ARGLU1: variants seen among roughly 807,000 people sequenced by gnomAD.
ARGLU1 encodes arginine and glutamate rich 1, also known as arginine and glutamate-rich protein 1.
Under a neutral mutation model 37.6 loss-of-function variants are expected in ARGLU1, and 9 were observed. That is an observed-to-expected ratio of 0.24 (90% confidence interval 0.14 to 0.42). ARGLU1 has a LOEUF of 0.42. Among genes scored for constraint, ARGLU1 ranks in the 10% least tolerant of loss-of-function variants. ARGLU1 has a pLI of 1.00. For missense variants in ARGLU1, 211 were observed against 359.2 expected, an observed-to-expected ratio of 0.59 and a Z score of 3.34; for synonymous variants, 166 against 138.5, an observed-to-expected ratio of 1.20 and a Z score of -1.39.
At chr13:106,551,607 C>A (rs978330077) in intron 3 of ARGLU1, among the ~76,000 whole-genome samples, 1 of 152,172 alleles carries the variant, frequency 6.6e-6, no homozygotes, top group Non-Finnish European at 1.5e-5. Context: ...AACTAAACAG[C>A]TCAAAATAAA....
In ARGLU1 at chr13:106,542,406, AGAGT is replaced by A. The variant is rs1439718941; in HGVS notation, c.*1586_*1589del. The A allele has an allele frequency of 1.3e-5, 2 of 152,082 alleles. No individual in the cohort carries two copies. Among genetic ancestry groups the A allele is most frequent in the Non-Finnish European group, 1.5e-5 (1 of 67,960 alleles). 9.4% of individuals were successfully genotyped at this position (152,082 alleles called of 1,614,324 possible). A position where few individuals can be genotyped will look rare whatever the true frequency, so the allele number is the denominator to read the frequency against. On this transcript the variant is annotated 3_prime_UTR_variant, in exon 4 of 4. Coordinates refer to ENST00000400198, the MANE Select transcript of ARGLU1 (RefSeq NM_018011.4). ...TTAGGAAAATAAAATGTTTGATTTT[AGAGT>A]AAGTAGTATGTTTACTAAAAGTTCT...
chr13:106,554,476 A>G (rs1411511292), intron 3 of ARGLU1, among the ~76,000 whole-genome samples: 2 of 152,218 alleles, frequency 1.3e-5, no homozygotes, highest in African/African-American at 2.4e-5. Context: ...AAAGGCAATA[A>G]AAGTGGAAGT....
intron 3 of ARGLU1, among the ~76,000 whole-genome samples, chr13:106,550,292 G>A (rs1880502341): frequency 6.6e-6 from 1 of 152,112 alleles, no homozygotes; most frequent in South Asian, 2.1e-4. Flanking sequence ...GTGGCTTCGT[G>A]TTTCCAATTT....
In ARGLU1 at chr13:106,543,870, G is replaced by A. The variant is rs2138961303; in HGVS notation, c.*126C>T. ...GAATTGCAGAGCATAGCCCCTATTA[G>A]AACAAGCTAACTTTCCAGATTTTAC... On this transcript the variant is annotated 3_prime_UTR_variant, in exon 4 of 4. Transcript: ENST00000400198. 6 of 818,674 alleles carry A rather than the reference G, an allele frequency of 7.3e-6. No individual in the cohort carries two copies. Among genetic ancestry groups the A allele is most frequent in the East Asian group, 6.5e-5 (2 of 30,878 alleles). The allele number at this position is 818,674 out of a possible 1,614,324, so 50.7% of individuals were successfully genotyped here. A position where few individuals can be genotyped will look rare whatever the true frequency, so the allele number is the denominator to read the frequency against.
intron 3 of ARGLU1, among the ~76,000 whole-genome samples, chr13:106,546,324 TATA>T (rs1339178877): frequency 1.3e-5 from 2 of 152,224 alleles, no homozygotes; most frequent in East Asian, 1.9e-4. Context: ...CTTCCTAAAG[TATA>T]ATGTTTCTCT....
intron 3 of ARGLU1, among the ~76,000 whole-genome samples, chr13:106,545,567 T>C (rs1014956281): frequency 3.3e-5 from 5 of 152,218 alleles, no homozygotes; most frequent in Non-Finnish European, 5.9e-5. Context: ...TTGATATATA[T>C]GTATTTTTTA....
chr13:106,545,728 G>A (rs368812137), intron 3 of ARGLU1, among the ~76,000 whole-genome samples: 12 of 152,296 alleles, frequency 7.9e-5, no homozygotes, highest in East Asian at 5.8e-4. Flanking sequence ...GCAATGTGAC[G>A]TAGACTAAAA....
chr13:106,554,278 GCAAA>G (rs1330321783), intron 3 of ARGLU1, among the ~76,000 whole-genome samples: 4 of 152,048 alleles, frequency 2.6e-5, no homozygotes, highest in African/African-American at 9.7e-5. Flanking sequence ...ATAGATTTTA[GCAAA>G]CAGTTACCTT....
intron 3 of ARGLU1, among the ~76,000 whole-genome samples, chr13:106,544,896 CACTGGTATA>C (rs1880353746): frequency 6.6e-6 from 1 of 152,190 alleles, no homozygotes; most frequent in Non-Finnish European, 1.5e-5. Flanking sequence ...TTCAAAAGGA[CACTGGTATA>C]ACTGATTCCA....
At chr13:106,551,670 G>T (rs931953228) in intron 3 of ARGLU1, among the ~76,000 whole-genome samples, 1 of 152,142 alleles carries the variant, frequency 6.6e-6, no homozygotes, top group African/African-American at 2.4e-5. Flanking sequence ...TGAAAGCAAG[G>T]TGTCAGAAGG....
chr13:106,567,608 C>T lies in ARGLU1; in HGVS notation c.312G>A (p.Glu104=), dbSNP rs756574859. 1.2e-5 allele frequency: 20 copies of T among 1,613,402 alleles called. No individual in the cohort carries two copies. The Admixed American group carries it at 3.0e-4, about 24-fold the overall frequency. Reference sequence around the variant, plus strand: ...GCCGCTCGAACTCCGCTTTCTTCTCCTCCTCCTCTCGCTTCTGCTTCTCGT... The same window carrying T: ...GCCGCTCGAACTCCGCTTTCTTCTCTTCCTCCTCTCGCTTCTGCTTCTCGT... ...SLDEKQKREE[E]EKKAEFERQR... is the part of the protein sequence containing the mutation. The change falls in exon 1 of 4, where the codon GAG becomes GAA. Residue 104 remains glutamate (E), a synonymous_variant. Transcript: ENST00000400198. This position sits in a 1 kb window ranked among gnomAD's most constrained non-coding sequence, Gnocchi z 4.3.
Position 106,567,228 on chromosome 13 carries a change from C to T in ARGLU1, c.347+345G>A, listed in dbSNP as rs951766745. Among the ~76,000 whole-genome samples, 1 of 152,098 alleles carries T rather than the reference C, an allele frequency of 6.6e-6. No homozygotes were observed. On this transcript the variant is annotated intron_variant, in intron 1 of 3. Coordinates refer to ENST00000400198, the MANE Select transcript of ARGLU1 (RefSeq NM_018011.4). This position sits in a 1 kb window ranked among gnomAD's most constrained non-coding sequence, Gnocchi z 4.3. Reference sequence around the variant, plus strand: ...CCACATCTGCAGGCCGGCTCGCTCCCGGCCTCACAAGCCAACGCAGCTCTC... The same window carrying T: ...CCACATCTGCAGGCCGGCTCGCTCCTGGCCTCACAAGCCAACGCAGCTCTC...
chr13:106,552,033 T>C (rs1002432127), intron 3 of ARGLU1, among the ~76,000 whole-genome samples: 6 of 152,208 alleles, frequency 3.9e-5, no homozygotes, highest in African/African-American at 1.2e-4. Context: ...TTGTTTTTCA[T>C]GGAGAGAGGA....
In ARGLU1 at chr13:106,567,605, C is replaced by T. The variant is rs1881010520; in HGVS notation, c.315G>A (p.Glu105=). Residue 105 remains glutamate (E), a synonymous_variant, in exon 1 of 4, where the codon GAG becomes GAA. Coordinates refer to ENST00000400198, the MANE Select transcript of ARGLU1 (RefSeq NM_018011.4). This position sits in a 1 kb window ranked among gnomAD's most constrained non-coding sequence, Gnocchi z 4.3. The stretch of plus-strand genomic sequence containing the variant: ...GCTGCCGCTCGAACTCCGCTTTCTT[C>T]TCCTCCTCCTCTCGCTTCTGCTTCT... ...LDEKQKREEE[E]KKAEFERQRK... 6.2e-7 allele frequency: 1 copy of T among 1,610,606 alleles called. No individual in the cohort carries two copies. The highest frequency in any genetic ancestry group is 1.3e-5 in the African/African-American group (1 of 74,884).
At position 106,542,461 on chromosome 13, in the gene ARGLU1, T is replaced by TG. The variant is rs1880285943; in HGVS notation, c.*1534_*1535insC. 1 of 152,142 alleles carries TG rather than the reference T, an allele frequency of 6.6e-6. No homozygotes were observed. Among genetic ancestry groups the TG allele is most frequent in the Admixed American group, 6.5e-5 (1 of 15,274 alleles). 9.4% of individuals were successfully genotyped at this position (152,142 alleles called of 1,614,324 possible). A position where few individuals can be genotyped will look rare whatever the true frequency, so the allele number is the denominator to read the frequency against. On this transcript the variant is annotated 3_prime_UTR_variant, in exon 4 of 4. Transcript: ENST00000400198. ...CACTATATTTCATGCCTATTTAAAA[T>TG]TCTACCTTTAAAGATCTTTAAACTG... is the stretch of plus-strand genomic sequence containing the variant.
At chr13:106,558,759 G>A in intron 2 of ARGLU1, 1 of 985,144 alleles carries the variant, frequency 1.0e-6, no homozygotes, top group South Asian at 4.7e-5. Flanking sequence ...TAACTCTCTA[G>A]AGAAAAAAAG....
chr13:106,548,359 ATGACT>A (rs1301664164), intron 3 of ARGLU1, among the ~76,000 whole-genome samples: 7 of 152,074 alleles, frequency 4.6e-5, no homozygotes, highest in Non-Finnish European at 1.0e-4. Flanking sequence ...TTCTTTCCTG[ATGACT>A]TGACTTGCCG....
chr13:106,552,706 AAAG>A (rs1880560727), intron 3 of ARGLU1, among the ~76,000 whole-genome samples: 1 of 152,248 alleles, frequency 6.6e-6, no homozygotes, highest in African/African-American at 2.4e-5. Context: ...ATTTTTAACA[AAAG>A]AAAATTAAAA....
intron 3 of ARGLU1, among the ~76,000 whole-genome samples, chr13:106,546,416 G>A (rs758000544): frequency 1.2e-4 from 19 of 152,114 alleles, no homozygotes; most frequent in Admixed American, 3.3e-4. Context: ...TTGTTCCCCC[G>A]TCTTTTGCTC....
Sources: gnomAD v4.1 joint callset for allele counts (sites outside exome capture counted in the v4.1 genomes callset) on GRCh38, gnomAD v4.1.1 for gene constraint, Gnocchi (gnomAD v3.1) non-coding constraint, MANE v1.5 for transcripts, NCBI Gene and HGNC (gene_info 2026-07-23, HGNC 2026-07-21) for gene names.